Variants in SLC35F4 observed in about 807,000 individuals in gnomAD.
SLC35F4 encodes solute carrier family 35 member F4.
Under a neutral mutation model 44.2 loss-of-function variants are expected in SLC35F4, and 24 were observed. The observed-to-expected ratio is 0.54, with a 90% CI of 0.39 to 0.76. The LOEUF (loss-of-function observed/expected upper bound fraction) is 0.76, where lower values mean the gene tolerates loss of function less well. Ranked by LOEUF, SLC35F4 falls within the 30% of genes least tolerant of loss-of-function variation. SLC35F4 has a pLI of 0.00. For synonymous variants in SLC35F4, 238 were observed against 223.6 expected, an observed-to-expected ratio of 1.06 and a Z score of -0.57; for missense variants, 562 against 586.1, an observed-to-expected ratio of 0.96 and a Z score of 0.42.
chr14:57,981,865 C>T (rs1336626184), intron 1 of SLC35F4: 1 of 152,114 alleles, frequency 6.6e-6, no homozygotes, highest in South Asian at 2.1e-4. Context: ...CATTTAAGAG[C>T]CTTTTTATAA....
chr14:57,826,416 G>GA (rs748747304), intron 1 of SLC35F4, among the ~76,000 whole-genome samples: 7 of 152,216 alleles, frequency 4.6e-5, no homozygotes, highest in Non-Finnish European at 1.0e-4. Flanking sequence ...AACCCTAGAA[G>GA]AAAACCTAGG....
chr14:57,622,072 CGCCATCACTG>C (rs1181594743), intron 1 of SLC35F4, among the ~76,000 whole-genome samples: 1 of 148,054 alleles, frequency 6.8e-6, no homozygotes, highest in Admixed American at 6.8e-5. Context: ...AAAAAATGCT[CGCCATCACTG>C]GCCATCAGAG....
chr14:57,833,946 C>T (rs1884645929), intron 1 of SLC35F4, among the ~76,000 whole-genome samples: 1 of 152,200 alleles, frequency 6.6e-6, no homozygotes, highest in African/African-American at 2.4e-5. Context: ...CCATAGGAAT[C>T]TTTTTGTTCC....
intron 1 of SLC35F4, among the ~76,000 whole-genome samples, chr14:57,849,464 CA>C (rs1294922493): frequency 3.7e-5 from 5 of 133,762 alleles, no homozygotes; most frequent in East Asian, 3.9e-4. Flanking sequence ...GCCCAGCCCA[CA>C]AAAATTTTTT....
chr14:57,981,456 A>G (rs1451948029), intron 1 of SLC35F4, among the ~76,000 whole-genome samples: 2 of 152,144 alleles, frequency 1.3e-5, no homozygotes, highest in Non-Finnish European at 2.9e-5. Context: ...TGAGGCTGGG[A>G]AAAAGGCTGT....
At chr14:57,567,306 T>C (rs927360460) in intron 6 of SLC35F4, among the ~76,000 whole-genome samples, 5 of 152,154 alleles carry the variant, frequency 3.3e-5, no homozygotes, top group African/African-American at 1.2e-4. Context: ...AGCATTATTC[T>C]CATAGAGTCT....
chr14:57,629,849 GCAGA>G (rs1594640099), intron 1 of SLC35F4: 1 of 340,354 alleles, frequency 2.9e-6, no homozygotes, highest in East Asian at 7.4e-5. Context: ...AGCCGGAGAT[GCAGA>G]CAGTTTGCTG....
intron 6 of SLC35F4, among the ~76,000 whole-genome samples, chr14:57,566,893 G>GTGAT (rs1441316874): frequency 6.6e-6 from 1 of 152,226 alleles, no homozygotes; most frequent in Non-Finnish European, 1.5e-5. Flanking sequence ...TTAAAAGCAG[G>GTGAT]TGATTGATTG....
At chr14:57,912,766 G>A (rs1199448911) in intron 1 of SLC35F4, among the ~76,000 whole-genome samples, 1 of 152,022 alleles carries the variant, frequency 6.6e-6, no homozygotes, top group Non-Finnish European at 1.5e-5. Flanking sequence ...ATAGGCTATA[G>A]ATGTCAATTA....
chr14:57,628,297 A>G (rs1337711762), intron 1 of SLC35F4, among the ~76,000 whole-genome samples: 1 of 138,774 alleles, frequency 7.2e-6, no homozygotes, highest in Non-Finnish European at 1.6e-5. Context: ...AAGTATTGTT[A>G]TGTTTCCTTT....
intron 1 of SLC35F4, among the ~76,000 whole-genome samples, chr14:57,842,476 T>G (rs531423399): frequency 6.6e-6 from 1 of 152,250 alleles, no homozygotes; most frequent in South Asian, 2.1e-4. Flanking sequence ...TGCTCTTTGA[T>G]TTCCATGATG....
In SLC35F4 at chr14:57,963,879, T is replaced by C. The variant is rs189137415; in HGVS notation, n.282+18034A>G. Among the ~76,000 whole-genome samples the C allele has an allele frequency of 2.4e-4, 37 of 152,040 alleles. No individual in the cohort carries two copies. The East Asian group carries it at 6.6e-3, about 27-fold the overall frequency. On this transcript the variant is annotated intron_variant and non_coding_transcript_variant, in intron 1 of 1. Coordinates refer to the SLC35F4 transcript ENST00000556568. Reference sequence around the variant, plus strand: ...CTGAGACTACAGGCACATGTCACCATGCTCGGCTAATTTTTTAATTTTTTG... The same window carrying C: ...CTGAGACTACAGGCACATGTCACCACGCTCGGCTAATTTTTTAATTTTTTG...
chr14:57,578,441 A>C (rs1326945521), intron 4 of SLC35F4, among the ~76,000 whole-genome samples: 1 of 134,274 alleles, frequency 7.4e-6, no homozygotes, highest in African/African-American at 2.8e-5. Context: ...AGCTACATTT[A>C]TGTTGTCAGT....
chr14:57,833,293 G>T (rs936838442), intron 1 of SLC35F4, among the ~76,000 whole-genome samples: 1 of 152,190 alleles, frequency 6.6e-6, no homozygotes, highest in African/African-American at 2.4e-5. Context: ...GACATTAAAT[G>T]ATGCTTGTAA....
chr14:57,739,694 C>A (rs2076556937), intron 1 of SLC35F4, among the ~76,000 whole-genome samples: 1 of 152,170 alleles, frequency 6.6e-6, no homozygotes, highest in Non-Finnish European at 1.5e-5. Context: ...TCAGTCCAGG[C>A]CTGGGCTTGA....
chr14:57,621,526 T>C (rs28870693), intron 1 of SLC35F4, among the ~76,000 whole-genome samples: 92,361 of 151,848 alleles, frequency 0.61, 30,416 homozygotes, highest in Non-Finnish European at 0.74. Context: ...TATCTACAAC[T>C]ATCTGATCTT....
intron 1 of SLC35F4, among the ~76,000 whole-genome samples, chr14:57,640,241 T>C (rs1024264644): frequency 2.0e-5 from 3 of 151,984 alleles, no homozygotes; most frequent in African/African-American, 7.2e-5. Context: ...ATTTCCAACA[T>C]ACTGGCAACC....
chr14:57,723,873 C>T (rs950489491), intron 1 of SLC35F4, among the ~76,000 whole-genome samples: 1 of 152,122 alleles, frequency 6.6e-6, no homozygotes, highest in Non-Finnish European at 1.5e-5. Flanking sequence ...AACACACTGA[C>T]CTTATTGGTG....
At chr14:57,797,445 T>C (rs536508871) in intron 1 of SLC35F4, among the ~76,000 whole-genome samples, 1 of 152,302 alleles carries the variant, frequency 6.6e-6, no homozygotes, top group East Asian at 1.9e-4. Flanking sequence ...TCATCCCCGC[T>C]TTGCCCATTA....
Sources: allele counts gnomAD v4.1 joint callset (sites outside exome capture counted in the v4.1 genomes callset), GRCh38; gene constraint gnomAD v4.1.1; transcripts MANE v1.5; gene names NCBI Gene and HGNC (gene_info 2026-07-23, HGNC 2026-07-21).